PRKCH: variants seen among roughly 807,000 people sequenced by gnomAD.
The protein encoded by PRKCH is protein kinase C eta, also known as protein kinase C eta type.
In PRKCH, 28 loss-of-function variants were observed where a neutral mutation model predicts 82.5. That is an observed-to-expected ratio of 0.34 (90% CI 0.25 to 0.47). The LOEUF is 0.47. Ranked by LOEUF, PRKCH falls within the 20% of genes least tolerant of loss-of-function variation. The probability of loss-of-function intolerance (pLI) is 1.00; values close to 1 mark genes in which losing one functional copy is unlikely to be tolerated. For synonymous variants in PRKCH, 322 were observed against 327.4 expected (o/e 0.98, Z 0.18); for missense variants, 705 against 881.8 (o/e 0.80, Z 2.54).
intron 12 of PRKCH, among the ~76,000 whole-genome samples, chr14:61,542,526 C>T (rs904309891): frequency 1.3e-5 from 2 of 151,964 alleles, no homozygotes; most frequent in African/African-American, 2.4e-5. Context: ...TAAAAAAAAG[C>T]AAGAAAAAGG....
intron 10 of PRKCH, among the ~76,000 whole-genome samples, chr14:61,496,852 C>T (rs908809500): frequency 6.6e-6 from 1 of 152,168 alleles, no homozygotes; most frequent in African/African-American, 2.4e-5. Context: ...ACGAGCCAGG[C>T]TCTATTCTGA....
intron 1 of PRKCH, among the ~76,000 whole-genome samples, chr14:61,276,144 G>A (rs1019740682): frequency 2.6e-5 from 4 of 152,132 alleles, no homozygotes; most frequent in Admixed American, 1.3e-4. Context: ...ATGTACTTCA[G>A]GTTCATGAAG....
chr14:61,235,942 G>T (rs574038249), intron 1 of PRKCH, among the ~76,000 whole-genome samples: 68 of 152,294 alleles, frequency 4.5e-4, no homozygotes, highest in African/African-American at 1.5e-3. Flanking sequence ...CTCAGCTAAG[G>T]ATATTCCAAA....
At chr14:61,396,081 GA>G (rs34478520) in intron 2 of PRKCH, among the ~76,000 whole-genome samples, 102,151 of 120,530 alleles carry the variant, frequency 0.85, 43,460 homozygotes, top group South Asian at 0.95. Context: ...CCTTGTTTCA[GA>G]AAAAAAAAAA....
chr14:61,243,807 T>A (rs2044859905), intron 1 of PRKCH, among the ~76,000 whole-genome samples: 1 of 152,082 alleles, frequency 6.6e-6, no homozygotes, highest in African/African-American at 2.4e-5. Flanking sequence ...AAGCCTTTTT[T>A]CTTAAAACAT....
At chr14:61,302,387 G>GA (rs1207643157) in intron 1 of PRKCH, among the ~76,000 whole-genome samples, 1 of 152,186 alleles carries the variant, frequency 6.6e-6, no homozygotes, top group African/African-American at 2.4e-5. Flanking sequence ...CGGGTTGGGG[G>GA]AAAGTGTGGG....
intron 1 of PRKCH, among the ~76,000 whole-genome samples, chr14:61,290,962 T>C (rs1183308483): frequency 6.6e-6 from 1 of 152,162 alleles, no homozygotes; most frequent in Non-Finnish European, 1.5e-5. Context: ...CAAGGACATA[T>C]GGTAGACAGA....
rs778723205 is a variant in PRKCH at position 61,280,785 on chromosome 14, G to C, written c.-19+93117G>C. On this transcript the variant is annotated intron_variant, in intron 1 of 3. Transcript: ENST00000555185. This position sits in a 1 kb window ranked among gnomAD's most constrained non-coding sequence, Gnocchi z 5.0. ...CGTCGCGGGACACGCCGTAGCGCCG[G>C]TTGTTCTGGTAGAAGTTGGTCAGCT... The C allele has an allele frequency of 2.6e-6, 4 of 1,556,538 alleles. No individual in the cohort carries two copies. Among genetic ancestry groups the C allele is most frequent in the Non-Finnish European group, 3.4e-6 (4 of 1,160,204 alleles).
At chr14:61,254,624 TAAAAC>T (rs748937124) in intron 1 of PRKCH, among the ~76,000 whole-genome samples, 2 of 149,492 alleles carry the variant, frequency 1.3e-5, no homozygotes, top group Non-Finnish European at 3.0e-5. Flanking sequence ...CAAAACAAAA[TAAAAC>T]AAAACAAACA....
At chr14:61,440,434 C>G (rs978582276) in intron 2 of PRKCH, among the ~76,000 whole-genome samples, 5 of 152,196 alleles carry the variant, frequency 3.3e-5, no homozygotes, top group Admixed American at 6.5e-5. Flanking sequence ...AAAACTGAGG[C>G]AGGTATAATT....
At chr14:61,190,189 A>G (rs1566774829) in intron 1 of PRKCH, among the ~76,000 whole-genome samples, 1 of 152,212 alleles carries the variant, frequency 6.6e-6, no homozygotes, top group African/African-American at 2.4e-5. Context: ...TGTTATAATA[A>G]TAAGTTATGG....
Position 61,485,479 on chromosome 14 carries a change from C to T in PRKCH, c.1279-23C>T, listed in dbSNP as rs115387259. The stretch of plus-strand genomic sequence containing the variant: ...AGGTTAATTGCTACACCACATTGGG[C>T]CCTCTCTTGTGTTTGTATCCAGGAT... On this transcript the variant is annotated intron_variant, in intron 9 of 13. Coordinates refer to ENST00000332981, the MANE Select transcript of PRKCH (RefSeq NM_006255.5). 2,160 of 1,610,760 alleles carry T rather than the reference C, an allele frequency of 1.3e-3. 28 individuals carry two copies. The African/African-American group carries it at 0.024, about 18-fold the overall frequency.
At chr14:61,339,622 C>CTTTTTTT (rs757220300) in intron 1 of PRKCH, among the ~76,000 whole-genome samples, 29 of 60,012 alleles carry the variant, frequency 4.8e-4, no homozygotes, top group South Asian at 1.0e-3. Flanking sequence ...CAAGCCCGGC[C>CTTTTTTT]TTTTTTTTTT....
chr14:61,272,323 T>C (rs1177238580), intron 1 of PRKCH, among the ~76,000 whole-genome samples: 2 of 146,546 alleles, frequency 1.4e-5, no homozygotes, highest in African/African-American at 2.5e-5. Flanking sequence ...AGTAGATTTC[T>C]TTTTCTTTTC....
intron 2 of PRKCH, among the ~76,000 whole-genome samples, chr14:61,416,607 A>C (rs1314347050): frequency 6.6e-6 from 1 of 152,008 alleles, no homozygotes; most frequent in Non-Finnish European, 1.5e-5. Context: ...CCTTGTCCTG[A>C]GATACAACAC....
chr14:61,478,105 G>A (rs1885810646), intron 9 of PRKCH, among the ~76,000 whole-genome samples: 1 of 152,246 alleles, frequency 6.6e-6, no homozygotes, highest in Admixed American at 6.5e-5. Flanking sequence ...AGCTGCAGTG[G>A]ATGCACTCAT....
chr14:61,412,382 A>G (rs1882312575), intron 2 of PRKCH, among the ~76,000 whole-genome samples: 1 of 152,214 alleles, frequency 6.6e-6, no homozygotes, highest in South Asian at 2.1e-4. Flanking sequence ...TGGATTTGAA[A>G]CATGGGTTGC....
At chr14:61,306,022 TGCTAG>T (rs2045483323) in intron 1 of PRKCH, 2 of 152,360 alleles carry the variant, frequency 1.3e-5, no homozygotes, top group Non-Finnish European at 2.9e-5. Flanking sequence ...CTCTTGATCT[TGCTAG>T]GCTTTGTTTT....
chr14:61,501,144 G>T (rs893218045), intron 10 of PRKCH, among the ~76,000 whole-genome samples: 6 of 152,174 alleles, frequency 3.9e-5, no homozygotes, highest in African/African-American at 7.2e-5. Flanking sequence ...TGGAGTTACA[G>T]TGAAAATTAA....
Sources: allele counts gnomAD v4.1 joint callset (sites outside exome capture counted in the v4.1 genomes callset), GRCh38; gene constraint gnomAD v4.1.1; non-coding constraint Gnocchi (gnomAD v3.1); transcripts MANE v1.5; gene names NCBI Gene and HGNC (gene_info 2026-07-23, HGNC 2026-07-21).